Variants in RGL1 observed in about 807,000 individuals in gnomAD.
RGL1 encodes ral guanine nucleotide dissociation stimulator like 1, also known as ral guanine nucleotide dissociation stimulator-like 1.
A neutral mutation model predicts 95.2 loss-of-function variants in RGL1; 24 were observed. The observed-to-expected ratio is 0.25, with a 90% confidence interval of 0.18 to 0.35. The LOEUF (loss-of-function observed/expected upper bound fraction) is 0.35. RGL1 is among the 10% of genes least tolerant of loss of function. The pLI, the probability that RGL1 is intolerant of heterozygous loss-of-function variation, is 1.00. For synonymous variants in RGL1, 329 were observed against 344.9 expected (o/e 0.95, Z 0.51); for missense variants, 715 against 936.3 (o/e 0.76, Z 3.08).
At chr1:183,820,402 A>G (rs1162737414) in intron 2 of RGL1, among the ~76,000 whole-genome samples, 2 of 152,120 alleles carry the variant, frequency 1.3e-5, no homozygotes, top group African/African-American at 4.8e-5. Flanking sequence ...TTATTGGTTA[A>G]TGAGCCTCAT....
In RGL1 at chr1:183,918,475, C is replaced by T. The variant is rs77398336; in HGVS notation, c.2004+1774C>T. Among the ~76,000 whole-genome samples, 254 of 152,322 alleles carry T rather than the reference C, an allele frequency of 1.7e-3. 2 individuals are homozygous for T. The highest frequency in any genetic ancestry group is 6.8e-3 in the Middle Eastern group (2 of 294). On this transcript the variant is annotated intron_variant, in intron 16 of 17. Transcript: ENST00000360851. The stretch of plus-strand genomic sequence containing the variant: ...AGAGAATGTCCACTGCATAACTCTA[C>T]AGTGTCTCTGAATTATAGCATGGAT...
chr1:183,851,013 T>C (rs1168892654), intron 3 of RGL1, among the ~76,000 whole-genome samples: 4 of 152,236 alleles, frequency 2.6e-5, no homozygotes, highest in African/African-American at 9.6e-5. Context: ...CTATGACTCA[T>C]GTACATCCAG....
intron 4 of RGL1, among the ~76,000 whole-genome samples, chr1:183,879,531 T>C (rs1459556291): frequency 6.6e-6 from 1 of 152,234 alleles, no homozygotes; most frequent in Non-Finnish European, 1.5e-5. Context: ...GTAAAGTGTT[T>C]AGTTAAGATG....
chr1:183,875,836 G>T (rs895831718), intron 4 of RGL1, among the ~76,000 whole-genome samples: 1 of 137,058 alleles, frequency 7.3e-6, no homozygotes, highest in African/African-American at 2.8e-5. Flanking sequence ...CCGAGATTGC[G>T]CCACTGCACT....
intron 2 of RGL1, among the ~76,000 whole-genome samples, chr1:183,776,210 G>A (rs1289396761): frequency 2.1e-5 from 3 of 143,982 alleles, no homozygotes; most frequent in Non-Finnish European, 4.5e-5. Context: ...GTGCAGTGGC[G>A]CGATCTCGGC....
At chr1:183,686,184 T>C (rs1450554164) in intron 1 of RGL1, among the ~76,000 whole-genome samples, 1 of 152,198 alleles carries the variant, frequency 6.6e-6, no homozygotes, top group Non-Finnish European at 1.5e-5. Context: ...TTTATTGCCC[T>C]TTTGTGTCAC....
intron 16 of RGL1, among the ~76,000 whole-genome samples, chr1:183,917,396 A>G (rs1669043112): frequency 6.6e-6 from 1 of 152,208 alleles, no homozygotes; most frequent in Non-Finnish European, 1.5e-5. Flanking sequence ...GGTTTATCAC[A>G]AGAATATAAA....
At chr1:183,869,943 A>G (rs1039186090) in intron 4 of RGL1, among the ~76,000 whole-genome samples, 6 of 152,210 alleles carry the variant, frequency 3.9e-5, no homozygotes, top group East Asian at 1.9e-4. Flanking sequence ...ACATTTGCCA[A>G]TGCCCTACAG....
intron 1 of RGL1, among the ~76,000 whole-genome samples, chr1:183,689,898 G>C (rs1315507158): frequency 6.6e-6 from 1 of 152,180 alleles, no homozygotes; most frequent in Non-Finnish European, 1.5e-5. Flanking sequence ...GAGGTACATT[G>C]TATCTGCTTT....
chr1:183,761,773 C>G (rs1658677985), intron 2 of RGL1, among the ~76,000 whole-genome samples: 2 of 152,332 alleles, frequency 1.3e-5, no homozygotes, highest in South Asian at 4.1e-4. Context: ...CATTGAAAAT[C>G]TGTTGTTTAG....
At chr1:183,732,053 T>C (rs1443064488) in intron 1 of RGL1, among the ~76,000 whole-genome samples, 1 of 152,164 alleles carries the variant, frequency 6.6e-6, no homozygotes, top group East Asian at 1.9e-4. Context: ...AGCATGGTGC[T>C]AGGTGAGATT....
intron 2 of RGL1, among the ~76,000 whole-genome samples, chr1:183,765,332 C>T (rs988116728): frequency 6.6e-6 from 1 of 152,160 alleles, no homozygotes; most frequent in African/African-American, 2.4e-5. Flanking sequence ...TTGCAAACAA[C>T]CACATTGCAA....
At chr1:183,879,416 C>T (rs897007346) in intron 4 of RGL1, among the ~76,000 whole-genome samples, 2 of 152,224 alleles carry the variant, frequency 1.3e-5, no homozygotes, top group Admixed American at 1.3e-4. Context: ...TAACTTAGTC[C>T]AGTTATAGTT....
intron 1 of RGL1, among the ~76,000 whole-genome samples, chr1:183,645,945 G>A (rs1650263121): frequency 6.6e-6 from 1 of 152,146 alleles, no homozygotes; most frequent in South Asian, 2.1e-4. Context: ...CTATAGTTCT[G>A]ACAACTTCTC....
chr1:183,916,263 G>A (rs1297299891), intron 15 of RGL1, among the ~76,000 whole-genome samples, 184 bp from the exon 16 acceptor site: 3 of 152,156 alleles, frequency 2.0e-5, no homozygotes, highest in Admixed American at 6.5e-5. Flanking sequence ...TCACCGATAG[G>A]CATCTACCAC....
intron 2 of RGL1, among the ~76,000 whole-genome samples, chr1:183,749,640 G>C (rs1316356940): frequency 6.6e-6 from 1 of 152,060 alleles, no homozygotes; most frequent in African/African-American, 2.4e-5. Flanking sequence ...TAGTTGATGC[G>C]GTTTCTCCAT....
chr1:183,915,928 T>A lies in RGL1; in HGVS notation c.1750-519T>A, dbSNP rs1447876764. The stretch of plus-strand genomic sequence containing the variant: ...GTCTCAGGTTCCTCAGCAGAACAGG[T>A]ATGGGACTAGTTGATGTCCAAGGCC... On this transcript the variant is annotated intron_variant, in intron 15 of 17. Transcript: ENST00000360851. Among the ~76,000 whole-genome samples, 8 of 152,254 alleles carry A rather than the reference T, an allele frequency of 5.3e-5. No individual in the cohort carries two copies. The South Asian group carries it at 1.2e-3, about 24-fold the overall frequency.
chr1:183,642,654 C>T lies in RGL1; in HGVS notation c.-33+6153C>T, dbSNP rs969095651. ...TTTTTTAGATATTTCTGTGAACTTT[C>T]CTTACCTTATCTCTGTATTTTGAGA... On this transcript the variant is annotated intron_variant, in intron 1 of 18. Coordinates refer to the RGL1 transcript ENST00000304685. Among the ~76,000 whole-genome samples the T allele has an allele frequency of 2.3e-4, 35 of 152,018 alleles. 1 individual carries two copies. Among genetic ancestry groups the T allele is most frequent in the Admixed American group, 2.3e-3 (35 of 15,250 alleles).
At chr1:183,815,687 T>C (rs1377819009) in intron 2 of RGL1, among the ~76,000 whole-genome samples, 4 of 152,198 alleles carry the variant, frequency 2.6e-5, no homozygotes, top group African/African-American at 9.7e-5. Flanking sequence ...AGGCCTGAGC[T>C]GTGAAGTTAC....
Sources: gnomAD v4.1 joint callset for allele counts (sites outside exome capture counted in the v4.1 genomes callset) on GRCh38, gnomAD v4.1.1 for gene constraint, MANE v1.5 for transcripts, NCBI Gene and HGNC (gene_info 2026-07-23, HGNC 2026-07-21) for gene names.